Variants in MINAR1 observed in about 807,000 individuals in gnomAD.
MINAR1 encodes the protein major intrinsically disordered Notch2-binding receptor 1.
A neutral mutation model predicts 65.1 loss-of-function variants in MINAR1; 40 were observed. That is an observed-to-expected ratio of 0.61 (90% CI 0.48 to 0.80). MINAR1 has a LOEUF of 0.80. Among genes scored for constraint, MINAR1 ranks in the 30% least tolerant of loss-of-function variants. The pLI is 0.00. For missense variants in MINAR1, 1,128 were observed against 1,148.0 expected (o/e 0.98, Z 0.25); for synonymous variants, 482 against 449.1 (o/e 1.07, Z -0.93).
upstream of MINAR1, among the ~76,000 whole-genome samples, chr15:79,431,616 T>C (rs888113304): frequency 5.3e-5 from 8 of 152,182 alleles, no homozygotes; most frequent in Non-Finnish European, 1.0e-4. Flanking sequence ...GTGAGTGAAG[T>C]GACCACTTGG....
In MINAR1 at chr15:79,463,175, A is replaced by G. The variant is rs760996993; in HGVS notation, c.2407A>G (p.Lys803Glu). Reference protein sequence around the residue: ...FSPHPYPASLKAHMKSNPLYT... With the variant: ...FSPHPYPASLEAHMKSNPLYT... The stretch of plus-strand genomic sequence containing the variant: ...CCCTCACCCCTACCCTGCCTCCCTC[A>G]AGGCCCACATGAAGAGCAACCCCCT... The change falls in exon 3 of 4, where the codon AAG becomes GAG. Residue 803 changes from lysine (K) to glutamate (E), a missense_variant. Lys to Glu is a moderately conservative substitution (Grantham distance 56). Transcript: ENST00000305428. The G allele has an allele frequency of 2.8e-5, 45 of 1,614,122 alleles. No individual in the cohort carries two copies. The Middle Eastern group carries it at 6.6e-4, about 24-fold the overall frequency.
chr15:79,470,010 T>C lies in MINAR1; in HGVS notation c.*1626T>C, dbSNP rs1037617804. On this transcript the variant is annotated 3_prime_UTR_variant, in exon 4 of 4. Transcript: ENST00000305428. ...ATTAAGGGGTAGACAGTTAATTTTA[T>C]TATGTTAACAAGTGAGGGATGAATG... 2.0e-5 allele frequency: 3 copies of C among 152,618 alleles called. No individual in the cohort carries two copies. Among genetic ancestry groups the C allele is most frequent in the African/African-American group, 7.2e-5 (3 of 41,442 alleles). The allele number at this position is 152,618 out of a possible 1,614,324, so 9.5% of individuals were successfully genotyped here. A position where few individuals can be genotyped will look rare whatever the true frequency, so the allele number is the denominator to read the frequency against.
chr15:79,437,110 AAAAC>A (rs10587445), intron 1 of MINAR1, among the ~76,000 whole-genome samples: 90,811 of 151,568 alleles, frequency 0.6, 27,966 homozygotes, highest in Admixed American at 0.68. Flanking sequence ...ACTAACTAAG[AAAAC>A]AAACAAACAA....
rs1896006498 is a variant in MINAR1, at chr15:79,469,730, C to G, written c.*1346C>G. 3 of 152,600 alleles carry G rather than the reference C, an allele frequency of 2.0e-5. No individual in the cohort carries two copies. The highest frequency in any genetic ancestry group is 7.2e-5 in the African/African-American group (3 of 41,432). 9.5% of individuals were successfully genotyped at this position (152,600 alleles called of 1,614,324 possible). ...ATAATGGAACAGAAAGAATCCTTAT[C>G]AGCATCTGATTCCAATGTCTTGTTA... On this transcript the variant is annotated 3_prime_UTR_variant, in exon 4 of 4. Transcript: ENST00000305428.
At chr15:79,448,384 T>C (rs531176277) in intron 1 of MINAR1, among the ~76,000 whole-genome samples, 32 of 152,324 alleles carry the variant, frequency 2.1e-4, no homozygotes, top group African/African-American at 6.0e-4. Context: ...CCCCTTAAGT[T>C]TGAAATTTTA....
chr15:79,454,491 G>A (rs958250465), intron 1 of MINAR1, among the ~76,000 whole-genome samples: 2 of 152,176 alleles, frequency 1.3e-5, no homozygotes, highest in East Asian at 3.8e-4. Context: ...TGCGACCAGG[G>A]AAATGAACAC....
At chr15:79,459,214 C>T (rs531258699) in intron 2 of MINAR1, among the ~76,000 whole-genome samples, 38 of 152,284 alleles carry the variant, frequency 2.5e-4, no homozygotes, top group Admixed American at 5.2e-4. Context: ...CATAGTTCCA[C>T]CACACAAAGA....
intron 1 of MINAR1, among the ~76,000 whole-genome samples, chr15:79,439,538 T>C (rs1428708190): frequency 6.6e-6 from 1 of 151,394 alleles, no homozygotes; most frequent in Non-Finnish European, 1.5e-5. Context: ...GAGACGTGGG[T>C]AGATAGTGTC....
Position 79,457,293 on chromosome 15 carries a change from C to G in MINAR1, c.1146C>G (p.Ser382=), listed in dbSNP as rs780110040. Residue 382 remains serine, a synonymous_variant, in exon 2 of 4, where the codon TCC becomes TCG. Coordinates refer to ENST00000305428, the MANE Select transcript of MINAR1 (RefSeq NM_015206.3). ...AGGAAGTTCCTGACTTTGAACGGTCCTTTTTCAATAGAAATCCCTCCGAGG... is the reference window on the plus strand; with the variant it reads ...AGGAAGTTCCTGACTTTGAACGGTCGTTTTTCAATAGAAATCCCTCCGAGG... ...NTEEVPDFER[S]FFNRNPSEEK... is the part of the protein sequence containing the mutation. The G allele has an allele frequency of 6.2e-7, 1 of 1,614,152 alleles. No individual in the cohort carries two copies. Among genetic ancestry groups the G allele is most frequent in the African/African-American group, 1.3e-5 (1 of 75,006 alleles).
chr15:79,432,817 A>G (rs796234635), intron 1 of MINAR1, among the ~76,000 whole-genome samples: 15 of 152,258 alleles, frequency 9.9e-5, no homozygotes, highest in African/African-American at 3.1e-4. Flanking sequence ...ATTCGGGAAG[A>G]GAAGCCACGG....
At chr15:79,432,124 G>C (rs957300583), upstream of MINAR1, among the ~76,000 whole-genome samples, 1 of 152,054 alleles carries the variant, frequency 6.6e-6, no homozygotes, top group Non-Finnish European at 1.5e-5. Flanking sequence ...TGGCGACGCC[G>C]ACCGAGACAC....
chr15:79,464,879 C>G (rs111238536), intron 3 of MINAR1, among the ~76,000 whole-genome samples: 8 of 130,352 alleles, frequency 6.1e-5, no homozygotes, highest in African/African-American at 2.5e-4. Flanking sequence ...ATTCTCCCTC[C>G]GGTGGAATAT....
chr15:79,469,289 T>C lies in MINAR1; in HGVS notation c.*905T>C, dbSNP rs1208643105. On this transcript the variant is annotated 3_prime_UTR_variant, in exon 4 of 4. Coordinates refer to ENST00000305428, the MANE Select transcript of MINAR1 (RefSeq NM_015206.3). ...AGTTGAAGAGTTTGGAACTTGTCCT[T>C]GTGCCTTGAAGAGTAGAGACAATGG... 1 of 152,674 alleles carries C rather than the reference T, an allele frequency of 6.5e-6. No homozygotes were observed. Among genetic ancestry groups the C allele is most frequent in the Non-Finnish European group, 1.5e-5 (1 of 68,038 alleles). 9.5% of individuals were successfully genotyped at this position (152,674 alleles called of 1,614,324 possible).
chr15:79,450,205 A>G (rs2141286757), intron 1 of MINAR1, among the ~76,000 whole-genome samples: 1 of 152,264 alleles, frequency 6.6e-6, no homozygotes, highest in Admixed American at 6.5e-5. Context: ...TCTTGACCAT[A>G]AAATGAAGGG....
intron 3 of MINAR1, among the ~76,000 whole-genome samples, chr15:79,464,403 T>G (rs1895766049): frequency 1.3e-5 from 2 of 152,240 alleles, no homozygotes; most frequent in South Asian, 4.1e-4. Context: ...GTCTCTCAGT[T>G]CCAGGCACAG....
intron 1 of MINAR1, among the ~76,000 whole-genome samples, chr15:79,433,847 T>C (rs374644778): frequency 4.6e-5 from 7 of 152,138 alleles, no homozygotes; most frequent in African/African-American, 1.2e-4. Flanking sequence ...TTGACCCTCA[T>C]TGAGAGCCCG....
intron 3 of MINAR1, among the ~76,000 whole-genome samples, chr15:79,467,333 C>T (rs1036946522): frequency 2.0e-5 from 3 of 152,228 alleles, no homozygotes; most frequent in African/African-American, 7.2e-5. Context: ...CTTCGAATTG[C>T]AATGTGCTGT....
chr15:79,419,929 A>G, the MINAR1 span: 1 of 152,214 alleles, frequency 6.6e-6, no homozygotes, highest in Non-Finnish European at 1.5e-5. Flanking sequence ...TCTGAGAAAA[A>G]AAAGCTTAAT....
chr15:79,433,254 G>T (rs536277764), intron 1 of MINAR1, among the ~76,000 whole-genome samples: 5 of 152,068 alleles, frequency 3.3e-5, no homozygotes, highest in Non-Finnish European at 7.4e-5. Flanking sequence ...TCCCCTCGCC[G>T]GCGGTGCGGG....
Sources: gnomAD v4.1 joint callset for allele counts (sites outside exome capture counted in the v4.1 genomes callset) on GRCh38, gnomAD v4.1.1 for gene constraint, MANE v1.5 for transcripts, NCBI Gene and HGNC (gene_info 2026-07-23, HGNC 2026-07-21) for gene names.